The following ANKRD26 variants were observed in gnomAD, a reference collection of about 807,000 sequenced individuals.
The protein encoded by ANKRD26 is ankyrin repeat domain 26, also known as ankyrin repeat domain-containing protein 26.
In ANKRD26, 141 loss-of-function variants were observed where a neutral mutation model predicts 208.7. That is an observed-to-expected ratio of 0.68 (90% CI 0.59 to 0.78). The LOEUF (loss-of-function observed/expected upper bound fraction) is 0.78, where lower values mean the gene tolerates loss of function less well. Ranked by LOEUF, ANKRD26 falls within the 30% of genes least tolerant of loss-of-function variation. The pLI is 0.00. For synonymous variants in ANKRD26, 636 were observed against 660.4 expected (o/e 0.96, Z 0.57); for missense variants, 1,889 against 1,938.7 (o/e 0.97, Z 0.48).
intron 25 of ANKRD26, chr10:27,030,311 G>T (rs1239716920): frequency 3.5e-5 from 31 of 889,704 alleles, no homozygotes; most frequent in Non-Finnish European, 4.0e-5. Flanking sequence ...AACAATTATA[G>T]ATTACTTTCT....
At chr10:27,008,518 G>A (rs1342608845) in intron 32 of ANKRD26, among the ~76,000 whole-genome samples, 1 of 152,064 alleles carries the variant, frequency 6.6e-6, no homozygotes, top group Non-Finnish European at 1.5e-5. Context: ...CTAATGTAAT[G>A]TAGTTTCTCA....
downstream of ANKRD26, among the ~76,000 whole-genome samples, chr10:26,999,947 G>C (rs1267985733): frequency 6.6e-6 from 1 of 152,012 alleles, no homozygotes. Context: ...AGACCAGCTG[G>C]TTGTTAAAAC....
chr10:27,083,257 A>G (rs906241779), intron 5 of ANKRD26, among the ~76,000 whole-genome samples: 3 of 152,176 alleles, frequency 2.0e-5, no homozygotes, highest in Admixed American at 2.0e-4. Flanking sequence ...TTTACTTAAT[A>G]TAATATTTAC....
chr10:27,049,988 C>T (rs1469444451), intron 16 of ANKRD26, among the ~76,000 whole-genome samples: 2 of 151,532 alleles, frequency 1.3e-5, no homozygotes, highest in South Asian at 2.1e-4. Context: ...TTTGGGAGGC[C>T]GAGGTGCGTG....
chr10:27,035,874 A>T, intron 23 of ANKRD26, 122 bp from the exon 24 acceptor site: 1 of 730,634 alleles, frequency 1.4e-6, no homozygotes, highest in Non-Finnish European at 2.2e-6. Flanking sequence ...TGTATATCCA[A>T]TTGAAAAAAA....
downstream of ANKRD26, among the ~76,000 whole-genome samples, chr10:27,001,866 T>C (rs191489881): frequency 6.6e-6 from 1 of 152,318 alleles, no homozygotes; most frequent in East Asian, 1.9e-4. Flanking sequence ...GGGGCCTGCT[T>C]TTTGTTAAAA....
intron 5 of ANKRD26, among the ~76,000 whole-genome samples, chr10:26,992,853 T>C (rs1443619916): frequency 6.6e-6 from 1 of 152,172 alleles, no homozygotes; most frequent in East Asian, 1.9e-4. Context: ...TAAGTTAAGT[T>C]ATATTATTTG....
chr10:26,956,569 C>A, the ANKRD26 span, among the ~76,000 whole-genome samples: 6 of 152,044 alleles, frequency 3.9e-5, no homozygotes, highest in African/African-American at 1.2e-4. Context: ...AAGGTTAAGG[C>A]TGCAGTGAGC....
intron 16 of ANKRD26, chr10:27,051,717 G>A (rs1464018599): frequency 2.0e-6 from 2 of 985,206 alleles, no homozygotes; most frequent in African/African-American, 3.5e-5. Flanking sequence ...TTTTTGTTCA[G>A]GCAATGCCTG....
intron 9 of ANKRD26, among the ~76,000 whole-genome samples, chr10:27,069,588 C>T (rs1312617844): frequency 6.6e-6 from 1 of 151,968 alleles, no homozygotes; most frequent in Non-Finnish European, 1.5e-5. Context: ...GAATTACAGG[C>T]GTGAGCCACT....
intron 20 of ANKRD26, 81 bp downstream of exon 20, chr10:27,043,345 C>T (rs1433657003): frequency 5.4e-6 from 8 of 1,481,832 alleles, no homozygotes; most frequent in South Asian, 4.6e-5. Context: ...AAAATGTATG[C>T]TAAATGTACA....
rs1418819366 is a variant in ANKRD26, at chr10:27,022,695, A to G, written c.4086-8T>C. On this transcript the variant is annotated splice_polypyrimidine_tract_variant and splice_region_variant and intron_variant, in intron 28 of 33. Coordinates refer to ENST00000376087, the MANE Select transcript of ANKRD26 (RefSeq NM_014915.3). ...TTTAAGAGGTTCTTAAATCTGCAGGAAGGTACAAAATGAGTAACTCAAGTT... is the reference window on the plus strand; with the variant it reads ...TTTAAGAGGTTCTTAAATCTGCAGGGAGGTACAAAATGAGTAACTCAAGTT... 1.9e-6 allele frequency: 3 copies of G among 1,579,644 alleles called. No homozygotes were observed. Among genetic ancestry groups the G allele is most frequent in the Non-Finnish European group, 2.6e-6 (3 of 1,156,080 alleles).
At chr10:27,086,731 C>A in intron 4 of ANKRD26, 122 bp from the exon 5 acceptor site, 2 of 1,051,158 alleles carry the variant, frequency 1.9e-6, no homozygotes, top group East Asian at 3.0e-5. Flanking sequence ...TTAATTATCC[C>A]ATACACTTCA....
At chr10:27,018,739 G>A (rs201844440) in intron 29 of ANKRD26, among the ~76,000 whole-genome samples, 2 of 152,106 alleles carry the variant, frequency 1.3e-5, no homozygotes, top group East Asian at 3.9e-4. Flanking sequence ...ATTGGGGAAA[G>A]GACATCCTCT....
chr10:27,092,586 G>C, intron 3 of ANKRD26, 74 bp from the exon 4 acceptor site: 1 of 1,120,506 alleles, frequency 8.9e-7, no homozygotes. Context: ...CTCTATGTCA[G>C]ATCCTTTGAA....
intron 16 of ANKRD26, among the ~76,000 whole-genome samples, chr10:27,050,317 C>T (rs2054610727): frequency 6.7e-6 from 1 of 149,116 alleles, no homozygotes; most frequent in Non-Finnish European, 1.5e-5. Context: ...GTACAGAACT[C>T]AGCTTTCTAC....
intron 31 of ANKRD26, among the ~76,000 whole-genome samples, chr10:27,014,224 T>C (rs1027342068): frequency 6.6e-6 from 1 of 151,700 alleles, no homozygotes; most frequent in Non-Finnish European, 1.5e-5. Flanking sequence ...TACAAAGTTT[T>C]AAAAGCACAT....
chr10:26,967,979 C>T, the ANKRD26 span, among the ~76,000 whole-genome samples: 3 of 152,162 alleles, frequency 2.0e-5, no homozygotes, highest in East Asian at 1.9e-4. Flanking sequence ...CCTCAATCCG[C>T]ATTCGACTCT....
intron 5 of ANKRD26, among the ~76,000 whole-genome samples, chr10:27,084,769 T>C (rs556409483): frequency 6.6e-6 from 1 of 151,020 alleles, no homozygotes; most frequent in African/African-American, 2.4e-5. Context: ...CTTGGGAGGC[T>C]GAGGCAAAAG....
Sources: gnomAD v4.1 joint callset for allele counts (sites outside exome capture counted in the v4.1 genomes callset) on GRCh38, gnomAD v4.1.1 for gene constraint, MANE v1.5 for transcripts, NCBI Gene and HGNC (gene_info 2026-07-23, HGNC 2026-07-21) for gene names.